GON4L: variants seen among roughly 807,000 people sequenced by gnomAD.
GON4L encodes GON-4-like protein.
Under a neutral mutation model 211.8 loss-of-function variants are expected in GON4L, and 87 were observed. That is an observed-to-expected ratio of 0.41 (90% CI 0.35 to 0.49). GON4L has a LOEUF of 0.49. Ranked by LOEUF, GON4L falls within the 20% of genes least tolerant of loss-of-function variation. The pLI is 0.15. For missense variants in GON4L, 2,155 were observed against 2,659.5 expected, an observed-to-expected ratio of 0.81 and a Z score of 4.17; for synonymous variants, 875 against 962.6, an observed-to-expected ratio of 0.91 and a Z score of 1.68.
intron 11 of GON4L, among the ~76,000 whole-genome samples, chr1:155,797,215 A>G (rs1666151955): frequency 6.6e-6 from 1 of 151,948 alleles, no homozygotes; most frequent in South Asian, 2.1e-4. Context: ...GCTGGGTTCA[A>G]GCGATTCTCC....
At chr1:155,759,084 C>T (rs1188794779) in intron 24 of GON4L, among the ~76,000 whole-genome samples, 1 of 152,040 alleles carries the variant, frequency 6.6e-6, no homozygotes, top group African/African-American at 2.4e-5. Context: ...GAAGCCTCAA[C>T]CTCTCAGGCT....
chr1:155,765,608 G>C lies in GON4L; in HGVS notation c.3865C>G (p.Arg1289Gly), dbSNP rs202146983. 2.5e-6 allele frequency: 4 copies of C among 1,614,140 alleles called. No individual in the cohort carries two copies. The highest frequency in any genetic ancestry group is 3.4e-6 in the Non-Finnish European group (4 of 1,180,036). ...TCCTCTGTTTTCACAACGGTCCAGC[G>C]ACAGGCACTATTCTCTGACAATCCT... ...QEGLSENSACRWTVVKTEEGR... is the reference protein window; with the variant it reads ...QEGLSENSACGWTVVKTEEGR... Residue 1289 changes from arginine (R) to glycine (G), a missense_variant, in exon 21 of 32, where the codon CGC (arginine) becomes GGC (glycine). This residue lies in a region of GON4L where 615 missense variants were observed against 625.7 expected (regional missense o/e 0.98). Coordinates refer to ENST00000368331, the MANE Select transcript of GON4L (RefSeq NM_001282860.2).
chr1:155,822,257 A>G (rs1668801930), intron 4 of GON4L, 29 bp downstream of exon 4: 1 of 1,573,750 alleles, frequency 6.4e-7, no homozygotes, highest in African/African-American at 1.3e-5. Context: ...GTTCCCTTCC[A>G]TTTACATAAC....
chr1:155,856,211 TTTTC>T (rs1335361050), intron 1 of GON4L, among the ~76,000 whole-genome samples: 2 of 151,990 alleles, frequency 1.3e-5, no homozygotes, highest in African/African-American at 2.4e-5. Context: ...CTCTTTCTTC[TTTTC>T]TTTCTTTCTC....
At position 155,750,010 on chromosome 1, in the gene GON4L, A is replaced by T; in HGVS notation, c.*574T>A. On this transcript the variant is annotated 3_prime_UTR_variant, in exon 32 of 32. Transcript: ENST00000368331. ...GAAGCCTTGGCCAGAGACCTCACCAAACTCGACTTGCGGCGCTGGGCCAGC... is the reference window on the plus strand; with the variant it reads ...GAAGCCTTGGCCAGAGACCTCACCATACTCGACTTGCGGCGCTGGGCCAGC... 7.2e-7 allele frequency: 1 copy of T among 1,390,588 alleles called. No individual in the cohort carries two copies. The highest frequency in any genetic ancestry group is 9.8e-7 in the Non-Finnish European group (1 of 1,015,826). The allele number at this position is 1,390,588 out of a possible 1,614,324, so 86.1% of individuals were successfully genotyped here. A position where few individuals can be genotyped will look rare whatever the true frequency, so the allele number is the denominator to read the frequency against.
chr1:155,757,123 C>A, intron 26 of GON4L, 46 bp from the exon 27 acceptor site: 1 of 1,613,874 alleles, frequency 6.2e-7, no homozygotes, highest in Non-Finnish European at 8.5e-7. Context: ...AGGCCAATAT[C>A]CCTCCCACGT....
chr1:155,751,664 C>T, intron 31 of GON4L, 103 bp downstream of exon 31: 1 of 783,792 alleles, frequency 1.3e-6, no homozygotes, highest in Non-Finnish European at 2.2e-6. Flanking sequence ...TTACAAAAAC[C>T]ACTTATTATC....
intron 2 of GON4L, among the ~76,000 whole-genome samples, chr1:155,851,348 C>T (rs1027576182): frequency 4.7e-5 from 7 of 149,056 alleles, no homozygotes; most frequent in Non-Finnish European, 7.4e-5. Context: ...AGCCAGACTA[C>T]GTCTCAAAAA....
chr1:155,820,737 T>A, intron 5 of GON4L, 81 bp from the exon 6 acceptor site: 2 of 1,027,036 alleles, frequency 1.9e-6, no homozygotes, highest in Non-Finnish European at 3.1e-6. Flanking sequence ...ATCCTAGCAC[T>A]TTAGGGGCCA....
At position 155,766,155 on chromosome 1, in the gene GON4L, G is replaced by C. The variant is rs771226123; in HGVS notation, c.3318C>G (p.Ala1106=). 1 of 1,614,084 alleles carries C rather than the reference G, an allele frequency of 6.2e-7. No individual in the cohort carries two copies. Among genetic ancestry groups the C allele is most frequent in the Middle Eastern group, 1.6e-4 (1 of 6,062 alleles). ...PVPKVMLPSL[A]PSKFRKPYVR... ...CATATGGCTTTCGAAACTTAGAAGGGGCAAGGGAGGGCAGCATTACCTTGG... is the reference window on the plus strand; with the variant it reads ...CATATGGCTTTCGAAACTTAGAAGGCGCAAGGGAGGGCAGCATTACCTTGG... The change falls in exon 21 of 32, where the codon GCC becomes GCG. Residue 1106 remains alanine, a synonymous_variant. Coordinates refer to ENST00000368331, the MANE Select transcript of GON4L (RefSeq NM_001282860.2).
intron 14 of GON4L, among the ~76,000 whole-genome samples, chr1:155,782,190 T>C (rs140066099): frequency 2.6e-4 from 40 of 152,350 alleles, no homozygotes; most frequent in South Asian, 6.2e-4. Flanking sequence ...TTTTACTATC[T>C]ATGGACTTAC....
chr1:155,831,629 C>T (rs1669782389), intron 2 of GON4L: 2 of 150,826 alleles, frequency 1.3e-5, no homozygotes, highest in Non-Finnish European at 3.0e-5. Context: ...ACCTGTTAAA[C>T]AAACAAACAA....
At chr1:155,778,024 A>G (rs1664009474) in intron 14 of GON4L, among the ~76,000 whole-genome samples, 1 of 152,212 alleles carries the variant, frequency 6.6e-6, no homozygotes, top group South Asian at 2.1e-4. Flanking sequence ...ATGATTCTAT[A>G]TTACACTCTA....
chr1:155,775,984 T>C (rs1571701729), intron 16 of GON4L, among the ~76,000 whole-genome samples: 1 of 152,018 alleles, frequency 6.6e-6, no homozygotes, highest in African/African-American at 2.4e-5. Flanking sequence ...GCTTTCGGCA[T>C]GTTGCCCCAG....
intron 2 of GON4L, among the ~76,000 whole-genome samples, chr1:155,852,531 G>A (rs1671888071): frequency 6.6e-6 from 1 of 150,962 alleles, no homozygotes; most frequent in Non-Finnish European, 1.5e-5. Flanking sequence ...CACGAGGTCA[G>A]GAGACTGAGA....
chr1:155,791,687 G>A (rs1041356015), intron 12 of GON4L, among the ~76,000 whole-genome samples: 1 of 151,886 alleles, frequency 6.6e-6, no homozygotes, highest in Admixed American at 6.6e-5. Context: ...GGCCAACCTG[G>A]TGAAACCCCG....
At chr1:155,810,008 A>ATATATTT (rs1491289229) in intron 10 of GON4L, among the ~76,000 whole-genome samples, 1 of 107,920 alleles carries the variant, frequency 9.3e-6, no homozygotes, top group Non-Finnish European at 1.9e-5. Context: ...ATATATATAT[A>ATATATTT]TTTTTGAAAT....
intron 24 of GON4L, among the ~76,000 whole-genome samples, chr1:155,758,919 G>C (rs1158295094): frequency 6.6e-6 from 1 of 152,036 alleles, no homozygotes; most frequent in Non-Finnish European, 1.5e-5. Context: ...AAAACTCCTG[G>C]CTACAAGGGA....
chr1:155,754,619 T>G, intron 27 of GON4L, 131 bp from the exon 28 acceptor site: 1 of 601,522 alleles, frequency 1.7e-6, no homozygotes, highest in Non-Finnish European at 2.9e-6. Context: ...AACCTCTGCC[T>G]CCCAGGTTCA....
Sources: gnomAD v4.1 joint callset for allele counts (sites outside exome capture counted in the v4.1 genomes callset) on GRCh38, gnomAD v4.1.1 for gene constraint, gnomAD v4.1.1 regional missense constraint, MANE v1.5 for transcripts, NCBI Gene and HGNC (gene_info 2026-07-23, HGNC 2026-07-21) for gene names.